Variants in CNTNAP2 observed in about 807,000 individuals in gnomAD.
CNTNAP2 encodes contactin-associated protein-like 2.
CNTNAP2 carries 98 observed loss-of-function variants against 155.2 expected under a neutral mutation model. That is an observed-to-expected ratio of 0.63 (90% confidence interval 0.54 to 0.75). The LOEUF (loss-of-function observed/expected upper bound fraction) is 0.75, where lower values mean the gene tolerates loss of function less well. Among genes scored for constraint, CNTNAP2 ranks in the 30% least tolerant of loss-of-function variants. The probability of loss-of-function intolerance (pLI) is 0.00; values close to 1 mark genes in which losing one functional copy is unlikely to be tolerated. For synonymous variants in CNTNAP2, 651 were observed against 631.2 expected, an observed-to-expected ratio of 1.03 and a Z score of -0.47; for missense variants, 1,727 against 1,688.1, an observed-to-expected ratio of 1.02 and a Z score of -0.40.
At chr7:146,955,402 TAAA>T (rs1299001110) in intron 3 of CNTNAP2, among the ~76,000 whole-genome samples, 4 of 151,966 alleles carry the variant, frequency 2.6e-5, no homozygotes, top group African/African-American at 9.7e-5. Context: ...AAGTGTCTCT[TAAA>T]AAGTTAGTCA....
chr7:146,422,645 A>G (rs115110236), intron 1 of CNTNAP2, among the ~76,000 whole-genome samples: 2,319 of 152,084 alleles, frequency 0.015, 57 homozygotes, highest in African/African-American at 0.051. Context: ...ATATTTTTAA[A>G]TTAACTAATT....
intron 8 of CNTNAP2, among the ~76,000 whole-genome samples, chr7:147,265,767 G>A (rs1055007212): frequency 1.4e-4 from 21 of 152,080 alleles, no homozygotes; most frequent in Admixed American, 9.2e-4. Context: ...ACTGGCATCC[G>A]GTCGGTGCCC....
chr7:146,311,607 C>CAAAAAAAAAAAAA (rs71175646), intron 1 of CNTNAP2: 9 of 38,902 alleles, frequency 2.3e-4, no homozygotes, highest in Middle Eastern at 0.014. Flanking sequence ...CTTGTCTTTA[C>CAAAAAAAAAAAAA]AAAAAAAAAA....
chr7:146,257,353 C>T (rs545655388), intron 1 of CNTNAP2, among the ~76,000 whole-genome samples: 16 of 152,286 alleles, frequency 1.1e-4, no homozygotes, highest in African/African-American at 3.8e-4. Context: ...GCCTCTTTTT[C>T]TTATCTTTCT....
rs573285484 is a variant in CNTNAP2 at position 146,843,099 on chromosome 7, G to A, written c.402+3195G>A. Among the ~76,000 whole-genome samples the A allele has an allele frequency of 1.6e-3, 170 of 104,268 alleles. 1 individual carries two copies. Among genetic ancestry groups the A allele is most frequent in the Non-Finnish European group, 2.5e-3 (143 of 56,986 alleles). The allele number at this position is 104,268 out of a possible 152,430, so 68.4% of individuals were successfully genotyped here. A position where few individuals can be genotyped will look rare whatever the true frequency, so the allele number is the denominator to read the frequency against. On this transcript the variant is annotated intron_variant, in intron 3 of 23. Transcript: ENST00000361727. Reference sequence around the variant, plus strand: ...GCAATCTCGGCTCACTGCAAGCTCCGCTTCCCAGGTTCACGCCATTCTCCT... The same window carrying A: ...GCAATCTCGGCTCACTGCAAGCTCCACTTCCCAGGTTCACGCCATTCTCCT...
chr7:148,006,656 A>AC (rs895084470), intron 15 of CNTNAP2, among the ~76,000 whole-genome samples: 12 of 151,884 alleles, frequency 7.9e-5, no homozygotes, highest in Non-Finnish European at 1.5e-4. Flanking sequence ...AAAAAAAAAA[A>AC]AAAACTGAGT....
At chr7:147,289,942 T>C (rs762417658) in intron 8 of CNTNAP2, among the ~76,000 whole-genome samples, 2 of 152,218 alleles carry the variant, frequency 1.3e-5, no homozygotes, top group Non-Finnish European at 2.9e-5. Flanking sequence ...AGCACCACTA[T>C]TACTCCATTT....
At chr7:147,694,505 T>C (rs539679706) in intron 13 of CNTNAP2, among the ~76,000 whole-genome samples, 32 of 152,170 alleles carry the variant, frequency 2.1e-4, no homozygotes, top group Non-Finnish European at 3.4e-4. Flanking sequence ...TTATTAATTA[T>C]TGATTCAGTT....
chr7:148,408,277 A>AC (rs1563076892), intron 22 of CNTNAP2, among the ~76,000 whole-genome samples: 1 of 150,222 alleles, frequency 6.7e-6, no homozygotes, highest in Non-Finnish European at 1.5e-5. Flanking sequence ...CACACACACA[A>AC]AAAAAGAATA....
At chr7:146,532,112 CA>C (rs1468492360) in intron 1 of CNTNAP2, among the ~76,000 whole-genome samples, 1 of 151,434 alleles carries the variant, frequency 6.6e-6, no homozygotes, top group Non-Finnish European at 1.5e-5. Context: ...ATTTACAATT[CA>C]AAAAAGTGAA....
chr7:146,852,608 T>A (rs1213030823), intron 3 of CNTNAP2, among the ~76,000 whole-genome samples: 1 of 152,154 alleles, frequency 6.6e-6, no homozygotes, highest in East Asian at 1.9e-4. Context: ...AGTAATTATT[T>A]ATTAAAAACT....
chr7:147,619,761 C>A (rs977402348), intron 12 of CNTNAP2, among the ~76,000 whole-genome samples: 3 of 152,194 alleles, frequency 2.0e-5, no homozygotes, highest in African/African-American at 7.2e-5. Context: ...ACTCGCCACC[C>A]TGAAGGGAAG....
intron 1 of CNTNAP2, among the ~76,000 whole-genome samples, chr7:146,653,289 C>T (rs905760569): frequency 6.6e-6 from 1 of 152,104 alleles, no homozygotes; most frequent in Admixed American, 6.6e-5. Context: ...CTTAACTCTG[C>T]ACCTTTACTG....
In CNTNAP2 at chr7:147,136,027, CAA is replaced by C. The variant is rs557644300; in HGVS notation, c.1348+3528_1348+3529del. On this transcript the variant is annotated intron_variant, in intron 8 of 23. Transcript: ENST00000361727. The stretch of plus-strand genomic sequence containing the variant: ...ATGTACATTACTATTTGAATTATAG[CAA>C]AAAAAAAAACCTACCTTTTGAAGTA... Among the ~76,000 whole-genome samples, 1,144 of 140,750 alleles carry C rather than the reference CAA, an allele frequency of 8.1e-3. 18 individuals carry two copies. Among genetic ancestry groups the C allele is most frequent in the African/African-American group, 0.027 (1,058 of 38,938 alleles). The allele number at this position is 140,750 out of a possible 152,430, so 92.3% of individuals were successfully genotyped here.
intron 1 of CNTNAP2, among the ~76,000 whole-genome samples, chr7:146,472,146 A>G (rs747821919): frequency 2.6e-5 from 4 of 152,170 alleles, no homozygotes; most frequent in Non-Finnish European, 5.9e-5. Context: ...ATGGTGTTTC[A>G]GGTAGTTCTG....
At chr7:147,472,204 C>CTTTTTTTTTTTTTTTTT (rs542047274) in intron 10 of CNTNAP2, among the ~76,000 whole-genome samples, 34 of 81,064 alleles carry the variant, frequency 4.2e-4, no homozygotes, top group African/African-American at 1.7e-3. Flanking sequence ...TCTTTTTTTC[C>CTTTTTTTTTTTTTTTTT]TTTTTTTTTT....
intron 9 of CNTNAP2, among the ~76,000 whole-genome samples, chr7:147,394,023 G>C (rs545915264): frequency 1.3e-5 from 2 of 152,082 alleles, no homozygotes; most frequent in African/African-American, 4.8e-5. Flanking sequence ...GTATGGTTTG[G>C]CTGTGTCTCC....
chr7:147,738,163 C>T (rs1001995354), intron 13 of CNTNAP2, among the ~76,000 whole-genome samples: 14 of 152,132 alleles, frequency 9.2e-5, no homozygotes, highest in Non-Finnish European at 1.0e-4. Flanking sequence ...TTGGAATCGC[C>T]CCCCGAAATT....
At chr7:147,801,476 C>G (rs532245343) in intron 13 of CNTNAP2, among the ~76,000 whole-genome samples, 1 of 151,768 alleles carries the variant, frequency 6.6e-6, no homozygotes, top group Non-Finnish European at 1.5e-5. Flanking sequence ...TGCGGCCTTC[C>G]GCAGTGTTTG....
Sources: allele counts gnomAD v4.1 joint callset (sites outside exome capture counted in the v4.1 genomes callset), GRCh38; gene constraint gnomAD v4.1.1; transcripts MANE v1.5; gene names NCBI Gene and HGNC (gene_info 2026-07-23, HGNC 2026-07-21).